Variants in PCSK2 observed in about 807,000 individuals in gnomAD.
The protein encoded by PCSK2 is neuroendocrine convertase 2.
A neutral mutation model predicts 69.7 loss-of-function variants in PCSK2; 14 were observed. The ratio of observed to expected loss-of-function variants is 0.20; its 90% confidence interval spans 0.13 to 0.31. PCSK2 has a LOEUF of 0.31. PCSK2 is among the 10% of genes least tolerant of loss of function. The pLI, the probability that PCSK2 is intolerant of heterozygous loss-of-function variation, is 1.00. For missense variants in PCSK2, 544 were observed against 842.5 expected (o/e 0.65, Z 4.39); for synonymous variants, 307 against 320.7 (o/e 0.96, Z 0.46).
At chr20:17,479,380 C>T in intron 11 of PCSK2, 3 of 685,748 alleles carry the variant, frequency 4.4e-6, no homozygotes, top group Non-Finnish European at 5.4e-6. Flanking sequence ...ATATTGTGGG[C>T]TTCCTCAGCA....
intron 6 of PCSK2, among the ~76,000 whole-genome samples, chr20:17,413,218 T>A (rs1297670506): frequency 1.3e-5 from 2 of 152,210 alleles, no homozygotes; most frequent in Non-Finnish European, 2.9e-5. Context: ...AATGCCCCAA[T>A]TAAAAGACAC....
At chr20:17,374,858 G>A (rs552449709) in intron 5 of PCSK2, among the ~76,000 whole-genome samples, 98 of 152,272 alleles carry the variant, frequency 6.4e-4, no homozygotes, top group African/African-American at 2.3e-3. Context: ...GGGCCCTGCA[G>A]ACAGAGTCTT....
chr20:17,473,851 A>G (rs2033245909), intron 11 of PCSK2, among the ~76,000 whole-genome samples: 1 of 152,210 alleles, frequency 6.6e-6, no homozygotes, highest in Non-Finnish European at 1.5e-5. Flanking sequence ...TATTCTCAGA[A>G]GAGTCCAGCC....
chr20:17,304,325 A>G (rs1989259152), intron 2 of PCSK2, among the ~76,000 whole-genome samples: 1 of 150,648 alleles, frequency 6.6e-6, no homozygotes, highest in African/African-American at 2.4e-5. Flanking sequence ...AATACTTATG[A>G]AGGAATTAAT....
rs111372444 is a variant in PCSK2 at position 17,436,907 on chromosome 20, C to T, written c.885+24C>T. Reference sequence around the variant, plus strand: ...AGGTAAGGGGGCCGGCCCCCTAGGCCCCGGCCACTCACAAGTTGGGACAAA... The same window carrying T: ...AGGTAAGGGGGCCGGCCCCCTAGGCTCCGGCCACTCACAAGTTGGGACAAA... On this transcript the variant is annotated intron_variant, in intron 8 of 11. Transcript: ENST00000262545. 1.2e-4 allele frequency: 189 copies of T among 1,569,034 alleles called. 1 individual carries two copies. In the African/African-American group the frequency reaches 1.9e-3, roughly 16 times the overall value.
intron 1 of PCSK2, among the ~76,000 whole-genome samples, chr20:17,242,944 T>C (rs575707569): frequency 2.0e-5 from 3 of 152,324 alleles, no homozygotes; most frequent in African/African-American, 7.2e-5. Flanking sequence ...GGACAGCATA[T>C]GATTTTCTGT....
At chr20:17,305,959 T>G (rs1223405643) in intron 2 of PCSK2, among the ~76,000 whole-genome samples, 1 of 152,194 alleles carries the variant, frequency 6.6e-6, no homozygotes, top group Non-Finnish European at 1.5e-5. Context: ...GCATTGTGAG[T>G]GCTACAGTCT....
At chr20:17,377,118 G>C (rs2030949876) in intron 5 of PCSK2, among the ~76,000 whole-genome samples, 1 of 152,174 alleles carries the variant, frequency 6.6e-6, no homozygotes, top group African/African-American at 2.4e-5. Context: ...TAATCCACAG[G>C]CAAATAACTA....
At chr20:17,441,133 G>A (rs1372323787) in intron 8 of PCSK2, among the ~76,000 whole-genome samples, 2 of 152,136 alleles carry the variant, frequency 1.3e-5, no homozygotes, top group Non-Finnish European at 2.9e-5. Context: ...TTTCCACTTG[G>A]ACACCACCCC....
At chr20:17,385,575 A>T (rs569209841) in intron 5 of PCSK2, among the ~76,000 whole-genome samples, 1 of 152,366 alleles carries the variant, frequency 6.6e-6, no homozygotes, top group African/African-American at 2.4e-5. Context: ...TTTTCCATGC[A>T]TGATGCTGTA....
intron 1 of PCSK2, among the ~76,000 whole-genome samples, chr20:17,231,152 AT>A (rs1986131849): frequency 1.3e-5 from 2 of 152,216 alleles, no homozygotes; most frequent in Admixed American, 6.5e-5. Flanking sequence ...TAGGGGTTTC[AT>A]TGTATTATGG....
intron 2 of PCSK2, among the ~76,000 whole-genome samples, chr20:17,338,200 G>GT (rs1416637108): frequency 1.1e-3 from 147 of 138,372 alleles, no homozygotes; most frequent in African/African-American, 3.6e-3. Context: ...TTTGTTTTTT[G>GT]TTTTTTGTTT....
At chr20:17,409,458 T>C in intron 6 of PCSK2, 119 bp downstream of exon 6, 3 of 701,708 alleles carry the variant, frequency 4.3e-6, no homozygotes, top group South Asian at 3.5e-5. Flanking sequence ...TAAATTATAT[T>C]GTGATTTTTC....
intron 5 of PCSK2, among the ~76,000 whole-genome samples, chr20:17,401,297 C>A (rs544501853): frequency 2.0e-5 from 3 of 152,214 alleles, no homozygotes; most frequent in South Asian, 2.1e-4. Context: ...TTCTGGAGAC[C>A]AGAATTCCAA....
chr20:17,453,613 C>A lies in PCSK2; in HGVS notation c.886-129C>A. 1.1e-6 allele frequency: 1 copy of A among 870,044 alleles called. No individual in the cohort carries two copies. The highest frequency in any genetic ancestry group is 1.7e-6 in the Non-Finnish European group (1 of 573,184). The allele number at this position is 870,044 out of a possible 1,614,324, so 53.9% of individuals were successfully genotyped here. A position where few individuals can be genotyped will look rare whatever the true frequency, so the allele number is the denominator to read the frequency against. ...TGCCAGAAGGATATGGTGTCCAACC[C>A]AGTTTAAAAAGTGCACCCAGTCTTT... On this transcript the variant is annotated intron_variant, in intron 8 of 11. Coordinates refer to ENST00000262545, the MANE Select transcript of PCSK2 (RefSeq NM_002594.5). The surrounding 1 kb of genome is among the most constrained non-coding windows in gnomAD (Gnocchi z 4.0).
chr20:17,280,520 A>G (rs1264481148), intron 2 of PCSK2, among the ~76,000 whole-genome samples: 1 of 152,190 alleles, frequency 6.6e-6, no homozygotes, highest in Non-Finnish European at 1.5e-5. Flanking sequence ...AGCCTTCTCA[A>G]CTTCAGAGTC....
chr20:17,403,019 A>T (rs2031677735), intron 5 of PCSK2, among the ~76,000 whole-genome samples: 1 of 152,196 alleles, frequency 6.6e-6, no homozygotes, highest in South Asian at 2.1e-4. Flanking sequence ...CCAGGACACA[A>T]CTGTGTGGCC....
At chr20:17,289,910 C>A (rs927084771) in intron 2 of PCSK2, among the ~76,000 whole-genome samples, 2 of 152,074 alleles carry the variant, frequency 1.3e-5, no homozygotes, top group African/African-American at 2.4e-5. Context: ...AAAATAAATT[C>A]TCTTTTGTAC....
intron 5 of PCSK2, among the ~76,000 whole-genome samples, chr20:17,380,724 G>C (rs888940359): frequency 4.6e-5 from 7 of 152,160 alleles, no homozygotes; most frequent in African/African-American, 1.7e-4. Context: ...CAAGCCTAAG[G>C]TGGTCAGACC....
Sources: gnomAD v4.1 joint callset for allele counts (sites outside exome capture counted in the v4.1 genomes callset) on GRCh38, gnomAD v4.1.1 for gene constraint, Gnocchi (gnomAD v3.1) non-coding constraint, MANE v1.5 for transcripts, NCBI Gene and HGNC (gene_info 2026-07-23, HGNC 2026-07-21) for gene names.